Variants in OSBPL10 observed in about 807,000 individuals in gnomAD.
The protein encoded by OSBPL10 is oxysterol binding protein like 10.
In OSBPL10, 49 loss-of-function variants were observed where a neutral mutation model predicts 81.7. The ratio of observed to expected loss-of-function variants is 0.60; its 90% CI spans 0.48 to 0.76. The LOEUF (loss-of-function observed/expected upper bound fraction) is 0.76. Among genes scored for constraint, OSBPL10 ranks in the 30% least tolerant of loss-of-function variants. The pLI is 0.00. For synonymous variants in OSBPL10, 419 were observed against 383.6 expected (o/e 1.09, Z -1.08); for missense variants, 923 against 987.8 (o/e 0.93, Z 0.88).
upstream of OSBPL10, among the ~76,000 whole-genome samples, chr3:31,985,014 G>A (rs559174787): frequency 1.3e-5 from 2 of 152,312 alleles, no homozygotes; most frequent in East Asian, 3.9e-4. Flanking sequence ...CAAGGTGGGC[G>A]GGTCACGTGA....
chr3:31,877,590 A>G (rs962188164), intron 2 of OSBPL10, among the ~76,000 whole-genome samples: 1 of 151,030 alleles, frequency 6.6e-6, no homozygotes. Context: ...AAAAAAAAAC[A>G]ACGATTCCCT....
rs142391313 is a variant in OSBPL10, at chr3:31,778,201, C to T, written c.730-30081G>A. Among the ~76,000 whole-genome samples the T allele has an allele frequency of 3.2e-3, 488 of 152,324 alleles. 2 individuals are homozygous for T. Among genetic ancestry groups the T allele is most frequent in the Non-Finnish European group, 5.4e-3 (364 of 68,030 alleles). On this transcript the variant is annotated intron_variant, in intron 4 of 11. Transcript: ENST00000396556. ...AACTCAGTGCTATTAGCAAGACTGG[C>T]CTTGCCAACTGTGTGGGAACTGGGT...
intron 4 of OSBPL10, among the ~76,000 whole-genome samples, chr3:31,776,439 T>C (rs1382359020): frequency 2.6e-5 from 4 of 152,278 alleles, no homozygotes; most frequent in African/African-American, 4.8e-5. Context: ...AAAATTACCA[T>C]ATGACCCAGA....
At chr3:31,997,328 G>A (rs983660498) in intron 2 of OSBPL10, among the ~76,000 whole-genome samples, 3 of 151,368 alleles carry the variant, frequency 2.0e-5, no homozygotes, top group East Asian at 2.0e-4. Context: ...GCAGTGGTGC[G>A]ATTTCGGCTC....
chr3:31,762,845 G>A (rs76991626), intron 4 of OSBPL10, among the ~76,000 whole-genome samples: 185 of 151,944 alleles, frequency 1.2e-3, no homozygotes, highest in Non-Finnish European at 2.0e-3. Context: ...ATAATTTGCG[G>A]ATGCGAGGTG....
chr3:32,059,929 C>T (rs555124986), intron 1 of OSBPL10, among the ~76,000 whole-genome samples: 2 of 151,748 alleles, frequency 1.3e-5, no homozygotes, highest in Non-Finnish European at 2.9e-5. Context: ...AGAAAAAAAA[C>T]AGGCTAAATT....
At chr3:31,963,906 T>C (rs1698239547) in intron 1 of OSBPL10, among the ~76,000 whole-genome samples, 1 of 151,978 alleles carries the variant, frequency 6.6e-6, no homozygotes, top group Non-Finnish European at 1.5e-5. Flanking sequence ...CCCGAGTAGC[T>C]GGGACTAATG....
At chr3:31,731,074 A>G (rs1277717307) in intron 6 of OSBPL10, among the ~76,000 whole-genome samples, 3 of 152,198 alleles carry the variant, frequency 2.0e-5, no homozygotes. Context: ...TTTTTCTGAC[A>G]GAAAAACTAT....
chr3:32,059,997 G>A (rs1447141721), intron 1 of OSBPL10, among the ~76,000 whole-genome samples: 1 of 151,856 alleles, frequency 6.6e-6, no homozygotes, highest in Non-Finnish European at 1.5e-5. Flanking sequence ...TGCATGAGGG[G>A]GCTTTTGGGA....
intron 1 of OSBPL10, among the ~76,000 whole-genome samples, chr3:31,938,638 A>G (rs1697449916): frequency 6.6e-6 from 1 of 152,062 alleles, no homozygotes; most frequent in South Asian, 2.1e-4. Flanking sequence ...CCTACCACGT[A>G]GCTGGGACTA....
chr3:31,917,921 G>T (rs1217037941), intron 1 of OSBPL10, among the ~76,000 whole-genome samples: 1 of 151,768 alleles, frequency 6.6e-6, no homozygotes, highest in East Asian at 1.9e-4. Context: ...AAATCTTTAA[G>T]TGGTGCTAAC....
Position 31,879,651 on chromosome 3 carries a change from G to C in OSBPL10, c.457+4C>G. 6.2e-7 allele frequency: 1 copy of C among 1,607,428 alleles called. No homozygotes were observed. The highest frequency in any genetic ancestry group is 8.5e-7 in the Non-Finnish European group (1 of 1,177,704). On this transcript the variant is annotated splice_donor_region_variant and intron_variant, in intron 2 of 11. Coordinates refer to ENST00000396556, the MANE Select transcript of OSBPL10 (RefSeq NM_017784.5). ...TCTGAAAAGTTACTGGGAGAAGAACGCACCTCTCAGTTTAAACATCTCTCC... is the reference window on the plus strand; with the variant it reads ...TCTGAAAAGTTACTGGGAGAAGAACCCACCTCTCAGTTTAAACATCTCTCC...
intron 8 of OSBPL10, among the ~76,000 whole-genome samples, chr3:31,673,242 G>C (rs547618762): frequency 2.6e-5 from 4 of 152,200 alleles, no homozygotes; most frequent in Non-Finnish European, 5.9e-5. Context: ...GATAGTTTCT[G>C]ATCAGGACCC....
chr3:31,797,958 AATT>A, intron 4 of OSBPL10: 1 of 320,362 alleles, frequency 3.1e-6, no homozygotes. Flanking sequence ...AAACAATAAT[AATT>A]ATTTTTATAT....
intron 1 of OSBPL10, among the ~76,000 whole-genome samples, chr3:31,948,041 G>T (rs1697751975): frequency 6.6e-6 from 1 of 152,212 alleles, no homozygotes; most frequent in Non-Finnish European, 1.5e-5. Flanking sequence ...AGTGGAGGAT[G>T]CAGGTTACCT....
chr3:31,961,066 T>C (rs1259946253), intron 1 of OSBPL10, among the ~76,000 whole-genome samples: 1 of 150,714 alleles, frequency 6.6e-6, no homozygotes, highest in African/African-American at 2.4e-5. Flanking sequence ...TTTTTTTTTT[T>C]TTTTAACTTG....
At chr3:31,884,159 G>C (rs1695668762) in intron 1 of OSBPL10, among the ~76,000 whole-genome samples, 1 of 152,118 alleles carries the variant, frequency 6.6e-6, no homozygotes, top group Admixed American at 6.5e-5. Context: ...ATAACCAACT[G>C]ATGTCACATT....
chr3:31,888,023 T>G lies in OSBPL10; in HGVS notation c.282-8193A>C, dbSNP rs1695786148. On this transcript the variant is annotated intron_variant, in intron 1 of 11. Coordinates refer to ENST00000396556, the MANE Select transcript of OSBPL10 (RefSeq NM_017784.5). ...CTCATCACCAAGCCAGGAACAAATA[T>G]AGTCTATTACATAAGAATTATATTA... Among the ~76,000 whole-genome samples the G allele has an allele frequency of 1.3e-5, 2 of 152,030 alleles. 1 individual carries two copies. The highest frequency in any genetic ancestry group is 1.3e-4 in the Admixed American group (2 of 15,260).
intron 4 of OSBPL10, among the ~76,000 whole-genome samples, chr3:31,796,449 A>G (rs112994100): frequency 0.026 from 3,929 of 152,174 alleles, 77 homozygotes; most frequent in Middle Eastern, 0.034. Flanking sequence ...GTACTATGCC[A>G]TTTTATGTAA....
Sources: gnomAD v4.1 joint callset for allele counts (sites outside exome capture counted in the v4.1 genomes callset) on GRCh38, gnomAD v4.1.1 for gene constraint, MANE v1.5 for transcripts, NCBI Gene and HGNC (gene_info 2026-07-23, HGNC 2026-07-21) for gene names.